The following CFAP44 variants were observed in gnomAD, a reference collection of about 807,000 sequenced individuals.
CFAP44 encodes the protein cilia- and flagella-associated protein 44.
Under a neutral mutation model 216.2 loss-of-function variants are expected in CFAP44, and 134 were observed. The ratio of observed to expected loss-of-function variants is 0.62; its 90% CI spans 0.54 to 0.72. CFAP44 has a LOEUF of 0.72. Among genes scored for constraint, CFAP44 ranks in the 30% least tolerant of loss-of-function variants. The pLI is 0.00. For synonymous variants in CFAP44, 700 were observed against 727.6 expected (o/e 0.96, Z 0.61); for missense variants, 2,035 against 2,182.1 (o/e 0.93, Z 1.34).
intron 6 of CFAP44, among the ~76,000 whole-genome samples, chr3:113,415,743 C>G (rs1934627699): frequency 6.6e-6 from 1 of 151,820 alleles, no homozygotes; most frequent in Non-Finnish European, 1.5e-5. Flanking sequence ...ATGATTTCAA[C>G]TCTTATGCAT....
intron 6 of CFAP44, among the ~76,000 whole-genome samples, chr3:113,414,135 TTC>T (rs1314398034): frequency 1.3e-5 from 2 of 152,214 alleles, no homozygotes; most frequent in Non-Finnish European, 2.9e-5. Flanking sequence ...TGAATGGAAG[TTC>T]ATTCATGATT....
Position 113,409,209 on chromosome 3 carries a change from GTTC to G in CFAP44, c.784_786del (p.Glu262del), listed in dbSNP as rs1559939508. On this transcript the variant is annotated inframe_deletion, in exon 7 of 35. Coordinates refer to ENST00000393845, the MANE Select transcript of CFAP44 (RefSeq NM_001164496.2). ...AAAGCTTTTGTCCTTAGTATGGGTT[GTTC>G]TTCTTTCCAGTTCCAGATAGTCAGT... 3 of 1,614,096 alleles carry G rather than the reference GTTC, an allele frequency of 1.9e-6. No individual in the cohort carries two copies. Among genetic ancestry groups the G allele is most frequent in the Non-Finnish European group, 2.5e-6 (3 of 1,180,014 alleles).
At chr3:113,304,347 A>ATGATCTGTG in intron 31 of CFAP44, 1 of 535,330 alleles carries the variant, frequency 1.9e-6, no homozygotes, top group Non-Finnish European at 3.3e-6. Context: ...CACACAGATC[A>ATGATCTGTG]TGCCTATTAT....
intron 22 of CFAP44, among the ~76,000 whole-genome samples, chr3:113,352,105 T>C (rs1950450821): frequency 6.6e-6 from 1 of 152,122 alleles, no homozygotes; most frequent in African/African-American, 2.4e-5. Context: ...CTGGGTCAAG[T>C]GGGGACTTGG....
At chr3:113,425,656 G>A (rs2107402453) in intron 4 of CFAP44, among the ~76,000 whole-genome samples, 1 of 152,278 alleles carries the variant, frequency 6.6e-6, no homozygotes, top group Middle Eastern at 3.4e-3. Context: ...AAAGTAAATG[G>A]GAAGAAGAAG....
chr3:113,409,098 CA>C lies in CFAP44; in HGVS notation c.890+7del. 4 of 1,609,944 alleles carry C rather than the reference CA, an allele frequency of 2.5e-6. No individual in the cohort carries two copies. The highest frequency in any genetic ancestry group is 3.4e-6 in the Non-Finnish European group (4 of 1,177,972). Reference sequence around the variant, plus strand: ...TCTACTGGCACCTCTATTGGTTACCCAACCTACTTGATGTGGCCTGATCCCG... The same window carrying C: ...TCTACTGGCACCTCTATTGGTTACCCACCTACTTGATGTGGCCTGATCCCG... On this transcript the variant is annotated splice_region_variant and intron_variant, in intron 7 of 34. Coordinates refer to ENST00000393845, the MANE Select transcript of CFAP44 (RefSeq NM_001164496.2).
intron 15 of CFAP44, among the ~76,000 whole-genome samples, chr3:113,382,040 A>C (rs574250408): frequency 1.3e-5 from 2 of 152,314 alleles, no homozygotes; most frequent in East Asian, 3.9e-4. Flanking sequence ...TTGAGGGAGC[A>C]AGTCCTCAAG....
chr3:113,399,923 C>A lies in CFAP44; in HGVS notation c.1552G>T (p.Val518Phe). The change falls in exon 13 of 35, where the codon GTT becomes TTT. Residue 518 changes from valine (V) to phenylalanine (F), a missense_variant. Transcript: ENST00000393845. ...MKFKQGGTAL[V>F]WVPRMVNFTG... ...AAACTTACCATTCGGGGTACCCAAACAAGGGCAGTACCTCCTTGTTTGAAT... is the reference window on the plus strand; with the variant it reads ...AAACTTACCATTCGGGGTACCCAAAAAAGGGCAGTACCTCCTTGTTTGAAT... 6.3e-7 allele frequency: 1 copy of A among 1,590,604 alleles called. No homozygotes were observed. The highest frequency in any genetic ancestry group is 1.2e-5 in the South Asian group (1 of 85,250).
intron 22 of CFAP44, among the ~76,000 whole-genome samples, chr3:113,347,474 C>T (rs1016954769): frequency 5.3e-5 from 8 of 152,154 alleles, no homozygotes; most frequent in African/African-American, 1.7e-4. Flanking sequence ...TGAGGCTAAT[C>T]CCGCTTCTAA....
rs1237154761 is a variant in CFAP44 at position 113,291,643 on chromosome 3, TCTC to T, written c.5476_5478del (p.Glu1826del). 2.0e-6 allele frequency: 3 copies of T among 1,537,310 alleles called. No homozygotes were observed. Among genetic ancestry groups the T allele is most frequent in the Admixed American group, 3.9e-5 (2 of 50,992 alleles). The stretch of plus-strand genomic sequence containing the variant: ...CTGCCTTTCCTACGCAAAAGAGCAA[TCTC>T]CTCCTTTAAGGCCGAAATCCTTTCC... On this transcript the variant is annotated inframe_deletion, in exon 35 of 35. Transcript: ENST00000393845.
intron 15 of CFAP44, among the ~76,000 whole-genome samples, chr3:113,381,798 G>A (rs1204701369): frequency 1.3e-5 from 2 of 152,104 alleles, no homozygotes; most frequent in Non-Finnish European, 2.9e-5. Context: ...TTAAGTGGTA[G>A]GGATAAATTT....
chr3:113,299,658 G>A (rs949265814), intron 32 of CFAP44, among the ~76,000 whole-genome samples: 12 of 152,154 alleles, frequency 7.9e-5, no homozygotes, highest in African/African-American at 1.4e-4. Context: ...ATTTGGAAGC[G>A]ACTTACTGTC....
Position 113,363,146 on chromosome 3 carries a change from G to C in CFAP44, c.2933C>G (p.Thr978Arg). The C allele has an allele frequency of 6.3e-7, 1 of 1,585,894 alleles. No homozygotes were observed. Among genetic ancestry groups the C allele is most frequent in the South Asian group, 1.2e-5 (1 of 83,224 alleles). Residue 978 changes from threonine (T) to arginine (R), a missense_variant and splice_region_variant, in exon 21 of 35, where the codon ACA becomes AGA. Thr to Arg is a moderately conservative substitution (Grantham distance 71, BLOSUM62 -1). Coordinates refer to ENST00000393845, the MANE Select transcript of CFAP44 (RefSeq NM_001164496.2). ...AAATCAAGTTTATATTAGGCTTACT[G>C]TTCGTTTAAACTGCATATGCTTTGG... ...KLPKHMQFKR[T>R]DFDVDSQIRA...
chr3:113,422,037 A>G (rs1209178577), intron 4 of CFAP44, among the ~76,000 whole-genome samples: 2 of 151,752 alleles, frequency 1.3e-5, no homozygotes, highest in African/African-American at 4.9e-5. Context: ...TATATAAAAC[A>G]TCTTTTAAAT....
chr3:113,344,550 C>A lies in CFAP44; in HGVS notation c.3228G>T (p.Glu1076Asp). 1 of 1,536,984 alleles carries A rather than the reference C, an allele frequency of 6.5e-7. No individual in the cohort carries two copies. The highest frequency in any genetic ancestry group is 1.7e-4 in the Middle Eastern group (1 of 5,990). ...KPSKLDRFEK[E>D]GPGRKDSQRD... ...TCTGGCTGTCCTTTCTTCCAGGTCC[C>A]TCTTTTTCAAACCTGTCCAATTTGC... The change falls in exon 23 of 35, where the codon GAG becomes GAT. Residue 1076 changes from glutamate (E) to aspartate (D), a missense_variant. By Grantham distance (45) the Glu-to-Asp change is conservative. Around this residue, in one of 3 missense-constraint regions of CFAP44, gnomAD observed 1,883 missense variants for 2,023.7 expected, o/e 0.93. Transcript: ENST00000393845.
intron 28 of CFAP44, among the ~76,000 whole-genome samples, chr3:113,321,271 C>T (rs1377833861): frequency 6.6e-6 from 1 of 152,092 alleles, no homozygotes; most frequent in Non-Finnish European, 1.5e-5. Context: ...AAGCAAAAAC[C>T]ATGTGATCAT....
intron 28 of CFAP44, among the ~76,000 whole-genome samples, chr3:113,321,637 C>T (rs1402558098): frequency 6.6e-6 from 1 of 152,154 alleles, no homozygotes; most frequent in East Asian, 1.9e-4. Context: ...TGCCAAGAGG[C>T]TACTACAACT....
chr3:113,359,678 C>T lies in CFAP44; in HGVS notation c.2935-803G>A, dbSNP rs150209514. 1.5e-3 allele frequency among the ~76,000 whole-genome samples: 225 copies of T among 152,046 alleles called. 1 individual carries two copies. Among genetic ancestry groups the T allele is most frequent in the African/African-American group, 5.2e-3 (216 of 41,488 alleles). On this transcript the variant is annotated intron_variant, in intron 21 of 34. Transcript: ENST00000393845. ...TTTATATGAAATTGGCAAAGTGCTT[C>T]TAGAATTACAGGACTGGGTAACCCA...
chr3:113,427,049 T>C (rs1410841663), intron 3 of CFAP44, 138 bp downstream of exon 3: 2 of 942,240 alleles, frequency 2.1e-6, no homozygotes, highest in South Asian at 1.6e-5. Flanking sequence ...TACCAAAATA[T>C]GTACTTGTCC....
Sources: allele counts gnomAD v4.1 joint callset (sites outside exome capture counted in the v4.1 genomes callset), GRCh38; gene constraint gnomAD v4.1.1; regional missense constraint gnomAD v4.1.1; transcripts MANE v1.5; gene names NCBI Gene and HGNC (gene_info 2026-07-23, HGNC 2026-07-21).